NCALD: variants seen among roughly 807,000 people sequenced by gnomAD.
NCALD encodes the protein neurocalcin-delta.
Under a neutral mutation model 18.6 loss-of-function variants are expected in NCALD, and 10 were observed. The observed-to-expected ratio is 0.54, with a 90% CI of 0.33 to 0.91. NCALD has a LOEUF of 0.91. NCALD is among the 40% of genes least tolerant of loss of function. NCALD has a pLI of 0.03. For missense variants in NCALD, 184 were observed against 247.6 expected (o/e 0.74, Z 1.72); for synonymous variants, 88 against 87.4 (o/e 1.01, Z -0.04).
intron 1 of NCALD, among the ~76,000 whole-genome samples, chr8:102,101,524 C>T (rs1485023070): frequency 6.6e-6 from 1 of 152,182 alleles, no homozygotes; most frequent in Non-Finnish European, 1.5e-5. Context: ...GATTGTGTTG[C>T]TGTATGCATT....
At chr8:101,884,811 C>T (rs1421450769) in intron 4 of NCALD, among the ~76,000 whole-genome samples, 1 of 152,074 alleles carries the variant, frequency 6.6e-6, no homozygotes, top group Non-Finnish European at 1.5e-5. Flanking sequence ...CAGTATTTGT[C>T]TCTGTGGCTA....
At chr8:101,699,416 T>C (rs10099953) in intron 2 of NCALD, among the ~76,000 whole-genome samples, 69,887 of 152,034 alleles carry the variant, frequency 0.46, 17,685 homozygotes, top group African/African-American at 0.66. Flanking sequence ...ACTGGGTATA[T>C]ACCCAAAGGA....
At chr8:101,713,528 C>G (rs1347024344) in intron 2 of NCALD, among the ~76,000 whole-genome samples, 1 of 150,866 alleles carries the variant, frequency 6.6e-6, no homozygotes, top group Non-Finnish European at 1.5e-5. Flanking sequence ...ATAGATAGAC[C>G]ACTAGCCAGA....
At chr8:102,068,449 G>T (rs1180247703) in intron 1 of NCALD, among the ~76,000 whole-genome samples, 5 of 152,176 alleles carry the variant, frequency 3.3e-5, no homozygotes, top group Non-Finnish European at 7.3e-5. Context: ...TGCACCTGCT[G>T]TTTTCTCTGC....
At chr8:102,060,939 C>G (rs1003553129) in intron 1 of NCALD, among the ~76,000 whole-genome samples, 6 of 152,160 alleles carry the variant, frequency 3.9e-5, no homozygotes, top group African/African-American at 1.4e-4. Context: ...TTATTTACAT[C>G]TGGAAACAAA....
intron 4 of NCALD, among the ~76,000 whole-genome samples, chr8:101,866,243 C>G (rs889885304): frequency 1.3e-5 from 2 of 152,340 alleles, no homozygotes; most frequent in African/African-American, 2.4e-5. Flanking sequence ...CCTACCTTCC[C>G]AAATGCTTGT....
intron 1 of NCALD, among the ~76,000 whole-genome samples, chr8:102,086,428 T>G (rs1824739520): frequency 6.6e-6 from 1 of 152,202 alleles, no homozygotes; most frequent in Non-Finnish European, 1.5e-5. Flanking sequence ...GATGAAGTTT[T>G]ATATCTCAGA....
intron 1 of NCALD, among the ~76,000 whole-genome samples, chr8:102,107,986 G>A (rs1825525838): frequency 6.6e-6 from 1 of 152,118 alleles, no homozygotes; most frequent in Non-Finnish European, 1.5e-5. Context: ...GCAAGAGTAG[G>A]GGCAGGAGGG....
intron 3 of NCALD, among the ~76,000 whole-genome samples, chr8:101,898,721 G>C (rs1817304650): frequency 6.6e-6 from 1 of 152,054 alleles, no homozygotes; most frequent in Admixed American, 6.5e-5. Flanking sequence ...CTGTTTTCAA[G>C]TTCTCTGTTC....
intron 3 of NCALD, among the ~76,000 whole-genome samples, chr8:101,889,140 C>T (rs1387936706): frequency 6.6e-6 from 1 of 152,188 alleles, no homozygotes; most frequent in Admixed American, 6.5e-5. Flanking sequence ...ATGCCTGCAA[C>T]TCTGATGCAA....
chr8:102,116,459 C>CT (rs1825790484), intron 1 of NCALD, among the ~76,000 whole-genome samples: 1 of 151,892 alleles, frequency 6.6e-6, no homozygotes, highest in Non-Finnish European at 1.5e-5. Context: ...GTGTCCAAGA[C>CT]TTTTTTGGGT....
chr8:102,069,631 C>T (rs1157875557), intron 1 of NCALD, among the ~76,000 whole-genome samples: 1 of 152,196 alleles, frequency 6.6e-6, no homozygotes, highest in Non-Finnish European at 1.5e-5. Context: ...ACAAAAATAT[C>T]TGTCAACAAA....
At chr8:101,717,139 T>C (rs1396915651) in intron 2 of NCALD, among the ~76,000 whole-genome samples, 1 of 152,230 alleles carries the variant, frequency 6.6e-6, no homozygotes, top group Non-Finnish European at 1.5e-5. Flanking sequence ...TTTGGTATGA[T>C]TCAGAGCTAC....
intron 4 of NCALD, among the ~76,000 whole-genome samples, chr8:101,861,099 C>T (rs1011980933): frequency 6.6e-6 from 1 of 152,118 alleles, no homozygotes; most frequent in Non-Finnish European, 1.5e-5. Flanking sequence ...ACCAGCCCTG[C>T]CTACATATTG....
At chr8:102,050,851 A>G (rs1436611545) in intron 1 of NCALD, among the ~76,000 whole-genome samples, 1 of 145,532 alleles carries the variant, frequency 6.9e-6, no homozygotes, top group Non-Finnish European at 1.5e-5. Context: ...TTTTAATTTA[A>G]TTAATTAATT....
At chr8:101,768,644 A>G (rs965857693) in intron 1 of NCALD, among the ~76,000 whole-genome samples, 2 of 151,794 alleles carry the variant, frequency 1.3e-5, no homozygotes, top group Admixed American at 1.3e-4. Flanking sequence ...GGGAGGCGGA[A>G]GATGCAATGA....
chr8:101,780,194 T>C (rs1227820444), intron 1 of NCALD, among the ~76,000 whole-genome samples: 1 of 152,162 alleles, frequency 6.6e-6, no homozygotes, highest in African/African-American at 2.4e-5. Context: ...TATCTGGGTA[T>C]ATTACTAGGA....
At chr8:101,831,937 C>T (rs1370063419) in intron 4 of NCALD, among the ~76,000 whole-genome samples, 1 of 152,208 alleles carries the variant, frequency 6.6e-6, no homozygotes, top group African/African-American at 2.4e-5. Flanking sequence ...ATTCACAGAG[C>T]AGCTCTTTTC....
chr8:101,708,754 T>G (rs115933564), intron 2 of NCALD, among the ~76,000 whole-genome samples: 1,677 of 152,312 alleles, frequency 0.011, 32 homozygotes, highest in African/African-American at 0.037. Context: ...GTACTCACCC[T>G]GGGGTCTCTA....
Sources: allele counts gnomAD v4.1 joint callset (sites outside exome capture counted in the v4.1 genomes callset), GRCh38; gene constraint gnomAD v4.1.1; transcripts MANE v1.5; gene names NCBI Gene and HGNC (gene_info 2026-07-23, HGNC 2026-07-21).